The following RELL1 variants were observed in gnomAD, a reference collection of about 807,000 sequenced individuals.
RELL1 encodes the protein RELT like 1.
A neutral mutation model predicts 23.0 loss-of-function variants in RELL1; 10 were observed. That is an observed-to-expected ratio of 0.43 (90% CI 0.27 to 0.74). The LOEUF is 0.74. Among genes scored for constraint, RELL1 ranks in the 30% least tolerant of loss-of-function variants. The pLI is 0.19. For synonymous variants in RELL1, 146 were observed against 146.8 expected (o/e 0.99, Z 0.04); for missense variants, 315 against 364.4 (o/e 0.86, Z 1.10).
intron 6 of RELL1, among the ~76,000 whole-genome samples, chr4:37,604,903 A>G (rs1719141884): frequency 2.0e-5 from 1 of 49,750 alleles, no homozygotes; most frequent in Admixed American, 2.2e-4. Context: ...ACACACAGAC[A>G]CACACACACA....
intron 1 of RELL1, among the ~76,000 whole-genome samples, chr4:37,666,755 G>A (rs1721545850): frequency 6.6e-6 from 1 of 152,172 alleles, no homozygotes; most frequent in South Asian, 2.1e-4. Context: ...GGCCAGGCAG[G>A]CACCCACATC....
At chr4:37,622,583 G>A (rs2109245783) in intron 6 of RELL1, among the ~76,000 whole-genome samples, 1 of 152,268 alleles carries the variant, frequency 6.6e-6, no homozygotes, top group African/African-American at 2.4e-5. Flanking sequence ...AGGAAGCCCA[G>A]GTCCTGGCTC....
intron 6 of RELL1, among the ~76,000 whole-genome samples, chr4:37,604,846 C>T (rs1560323783): frequency 9.4e-6 from 1 of 106,606 alleles, no homozygotes. Flanking sequence ...CACAGACACA[C>T]ACACAGACAC....
Position 37,658,290 on chromosome 4 carries a change from C to A in RELL1, c.89-8790G>T, listed in dbSNP as rs573292375. ...ACCAAGCAGAATAACAAATCAGGAT[C>A]AGAATGGAAAGCAGACAGAGCTAGA... is the stretch of plus-strand genomic sequence containing the variant. On this transcript the variant is annotated intron_variant, in intron 1 of 6. Transcript: ENST00000454158. 2.0e-5 allele frequency among the ~76,000 whole-genome samples: 3 copies of A among 152,194 alleles called. No homozygotes were observed. In the South Asian group the frequency reaches 6.2e-4, roughly 32 times the overall value.
intron 3 of RELL1, among the ~76,000 whole-genome samples, chr4:37,644,094 G>A (rs17423359): frequency 0.12 from 18,141 of 152,080 alleles, 1,174 homozygotes; most frequent in Middle Eastern, 0.18. Flanking sequence ...TGGCACCTCC[G>A]GTATTGACTG....
At chr4:37,586,490 A>G (rs1560313499), downstream of RELL1, among the ~76,000 whole-genome samples, 1 of 152,198 alleles carries the variant, frequency 6.6e-6, no homozygotes, top group Non-Finnish European at 1.5e-5. Flanking sequence ...ACTCTTCTAC[A>G]TTCCATGAGT....
downstream of RELL1, among the ~76,000 whole-genome samples, chr4:37,607,300 G>C (rs1719252931): frequency 6.6e-6 from 1 of 152,152 alleles, no homozygotes; most frequent in African/African-American, 2.4e-5. Flanking sequence ...TTTTTTAGTT[G>C]TGATCACTTT....
chr4:37,665,279 C>A (rs1421353897), intron 1 of RELL1: 2 of 456,186 alleles, frequency 4.4e-6, no homozygotes, highest in South Asian at 1.5e-5. Flanking sequence ...AACTGATACA[C>A]CCCACTGCTT....
intron 1 of RELL1, among the ~76,000 whole-genome samples, chr4:37,650,333 A>C (rs1198387182): frequency 6.6e-6 from 1 of 152,206 alleles, no homozygotes; most frequent in African/African-American, 2.4e-5. Context: ...AAGTGAGTGC[A>C]CTTGTTTATT....
intron 1 of RELL1, among the ~76,000 whole-genome samples, chr4:37,677,091 A>G (rs546970835): frequency 6.6e-6 from 1 of 152,374 alleles, no homozygotes; most frequent in East Asian, 1.9e-4. Context: ...AATCTAAAAT[A>G]TGACTAAGAA....
intron 6 of RELL1, among the ~76,000 whole-genome samples, chr4:37,614,366 G>A (rs573329884): frequency 6.6e-6 from 1 of 152,152 alleles, no homozygotes; most frequent in Non-Finnish European, 1.5e-5. Flanking sequence ...GGAAGAATGA[G>A]GGAGACAGAC....
intron 6 of RELL1, among the ~76,000 whole-genome samples, chr4:37,602,551 A>C (rs986548503): frequency 1.3e-5 from 2 of 152,080 alleles, no homozygotes; most frequent in African/African-American, 4.8e-5. Flanking sequence ...GTGCTGGACC[A>C]GTCACAGCCA....
At chr4:37,590,397 C>T (rs766073458), downstream of RELL1, 18 of 1,613,556 alleles carry the variant, frequency 1.1e-5, no homozygotes, top group Admixed American at 3.0e-4. Flanking sequence ...GGAATTCCAG[C>T]CCCACCCAGG....
At chr4:37,660,847 C>G (rs181011948) in intron 1 of RELL1, among the ~76,000 whole-genome samples, 2 of 152,044 alleles carry the variant, frequency 1.3e-5, no homozygotes, top group African/African-American at 2.4e-5. Context: ...CTGGCTAACA[C>G]GGTGAAACCC....
chr4:37,591,148 G>C (rs1232236528), exon 7 of RELL1: 2 of 652,698 alleles, frequency 3.1e-6, no homozygotes, highest in Non-Finnish European at 5.2e-6. Context: ...CTGATTGTCA[G>C]CATCTGTCCC....
chr4:37,643,212 T>C (rs1720586495), intron 3 of RELL1, among the ~76,000 whole-genome samples: 1 of 152,162 alleles, frequency 6.6e-6, no homozygotes, highest in African/African-American at 2.4e-5. Flanking sequence ...AACTGCAAAG[T>C]ATGGAAAAAA....
rs149876857 is a variant in RELL1 at position 37,612,003 on chromosome 4, G to T, written c.*1343C>A. On this transcript the variant is annotated 3_prime_UTR_variant, in exon 7 of 7. Transcript: ENST00000454158. ...ATCTTCGCTAATGCGGTGAAACCCC[G>T]TCTCTCCTAAAAATACAAAAAAAAT... Among the ~76,000 whole-genome samples the T allele has an allele frequency of 5.6e-4, 84 of 151,330 alleles. No individual in the cohort carries two copies. In the East Asian group the frequency reaches 0.014, roughly 26 times the overall value.
chr4:37,594,794 C>T (rs2109475631), intron 6 of RELL1, among the ~76,000 whole-genome samples: 1 of 152,236 alleles, frequency 6.6e-6, no homozygotes, highest in South Asian at 2.1e-4. Flanking sequence ...CTCTTCCTAC[C>T]TCTCCCATCC....
chr4:37,600,811 T>G (rs1349997730), intron 6 of RELL1, among the ~76,000 whole-genome samples: 11 of 70,138 alleles, frequency 1.6e-4, no homozygotes, highest in African/African-American at 6.0e-4. Context: ...GTGTGTAGTT[T>G]TTGTTTGATT....
Sources: gnomAD v4.1 joint callset for allele counts (sites outside exome capture counted in the v4.1 genomes callset) on GRCh38, gnomAD v4.1.1 for gene constraint, MANE v1.5 for transcripts, NCBI Gene and HGNC (gene_info 2026-07-23, HGNC 2026-07-21) for gene names.